The following AUH variants were observed in gnomAD, a reference collection of about 807,000 sequenced individuals.
AUH encodes AU RNA binding methylglutaconyl-CoA hydratase, also known as methylglutaconyl-CoA hydratase, mitochondrial.
A neutral mutation model predicts 42.3 loss-of-function variants in AUH; 29 were observed. The observed-to-expected ratio is 0.69, with a 90% CI of 0.51 to 0.93. AUH has a LOEUF of 0.93. Ranked by LOEUF, AUH falls within the 40% of genes least tolerant of loss-of-function variation. The pLI is 0.00. For synonymous variants in AUH, 174 were observed against 166.4 expected (o/e 1.05, Z -0.35); for missense variants, 452 against 438.1 (o/e 1.03, Z -0.28).
chr9:91,284,318 C>A lies in AUH; in HGVS notation c.655+11703G>T, dbSNP rs781228694. Among the ~76,000 whole-genome samples the A allele has an allele frequency of 3.3e-5, 5 of 152,008 alleles. No homozygotes were observed. The South Asian group carries it at 1.0e-3, about 32-fold the overall frequency. On this transcript the variant is annotated intron_variant, in intron 6 of 9. Coordinates refer to ENST00000375731, the MANE Select transcript of AUH (RefSeq NM_001698.3). ...AACTTATACAAAAATTAATTCAAGA[C>A]GGATTAAAGACTTAAATGTTAGACC...
chr9:91,261,275 C>T (rs1309749046), intron 6 of AUH, among the ~76,000 whole-genome samples: 1 of 152,158 alleles, frequency 6.6e-6, no homozygotes, highest in Non-Finnish European at 1.5e-5. Context: ...CTTTGCCAAG[C>T]AGGTGGATCC....
chr9:91,337,915 G>A (rs1830810327), intron 3 of AUH, among the ~76,000 whole-genome samples: 1 of 152,176 alleles, frequency 6.6e-6, no homozygotes, highest in Admixed American at 6.5e-5. Flanking sequence ...TAAGGAGCAT[G>A]ACCTTCTTGG....
At chr9:91,262,029 A>G (rs764692475) in intron 6 of AUH, among the ~76,000 whole-genome samples, 16 of 152,192 alleles carry the variant, frequency 1.1e-4, no homozygotes, top group African/African-American at 3.9e-4. Context: ...CACATAAACC[A>G]ATGGGAAAAA....
At chr9:91,329,021 ATGTGGTCTT>A (rs1352709190) in intron 3 of AUH, among the ~76,000 whole-genome samples, 2 of 152,114 alleles carry the variant, frequency 1.3e-5, no homozygotes, top group African/African-American at 4.8e-5. Context: ...TTCATACAAT[ATGTGGTCTT>A]TTTTTGTCTG....
chr9:91,302,475 G>A (rs569152470), intron 4 of AUH, among the ~76,000 whole-genome samples: 1 of 152,320 alleles, frequency 6.6e-6, no homozygotes, highest in East Asian at 1.9e-4. Flanking sequence ...TGTAATCCCA[G>A]CTACTCAAGA....
chr9:91,291,768 A>G (rs1299391820), intron 6 of AUH, among the ~76,000 whole-genome samples: 3 of 152,252 alleles, frequency 2.0e-5, no homozygotes, highest in East Asian at 3.9e-4. Context: ...ATTCATATGC[A>G]AGTATGTCTT....
intron 6 of AUH, among the ~76,000 whole-genome samples, chr9:91,253,463 A>G (rs1829244126): frequency 6.6e-6 from 1 of 152,280 alleles, no homozygotes; most frequent in South Asian, 2.1e-4. Flanking sequence ...GGGGTATAAT[A>G]AAACACCCAA....
chr9:91,243,283 G>A (rs1410649654), intron 6 of AUH, among the ~76,000 whole-genome samples: 1 of 152,180 alleles, frequency 6.6e-6, no homozygotes, highest in Admixed American at 6.5e-5. Flanking sequence ...CTTTGCCAGG[G>A]CTAAGCCTCA....
At chr9:91,323,569 G>T (rs1829747924) in intron 4 of AUH, among the ~76,000 whole-genome samples, 1 of 151,680 alleles carries the variant, frequency 6.6e-6, no homozygotes, top group Non-Finnish European at 1.5e-5. Flanking sequence ...GTTGCAGTGA[G>T]CTGAGATCGT....
At chr9:91,223,490 G>A (rs886913111) in intron 6 of AUH, among the ~76,000 whole-genome samples, 1 of 152,154 alleles carries the variant, frequency 6.6e-6, no homozygotes, top group African/African-American at 2.4e-5. Flanking sequence ...TACCTGGGTT[G>A]CTCTACCTTT....
intron 6 of AUH, among the ~76,000 whole-genome samples, chr9:91,245,751 G>C (rs562344839): frequency 5.9e-5 from 9 of 152,172 alleles, no homozygotes; most frequent in Non-Finnish European, 1.2e-4. Flanking sequence ...ACACAGATGA[G>C]AAAACGGAGG....
At chr9:91,215,943 T>C in intron 9 of AUH, 116 bp downstream of exon 9, 1 of 1,088,858 alleles carries the variant, frequency 9.2e-7, no homozygotes, top group South Asian at 1.3e-5. Context: ...CCCATTTGTA[T>C]GATTTTGGAA....
At chr9:91,250,131 G>C (rs1297441433) in intron 6 of AUH, among the ~76,000 whole-genome samples, 3 of 152,204 alleles carry the variant, frequency 2.0e-5, no homozygotes, top group Non-Finnish European at 4.4e-5. Context: ...CAGAGGAGCT[G>C]TCAAGAACCT....
At chr9:91,332,742 T>C (rs963588168) in intron 3 of AUH, among the ~76,000 whole-genome samples, 178 of 152,226 alleles carry the variant, frequency 1.2e-3, no homozygotes, top group African/African-American at 4.2e-3. Context: ...TTTAACAAGT[T>C]CTAAGAGTCA....
chr9:91,282,884 C>A (rs1340425107), intron 6 of AUH, among the ~76,000 whole-genome samples: 1 of 152,124 alleles, frequency 6.6e-6, no homozygotes, highest in African/African-American at 2.4e-5. Flanking sequence ...ACCAAAGGTA[C>A]AAGGAGGAGC....
chr9:91,318,624 G>A (rs1303829698), intron 4 of AUH, among the ~76,000 whole-genome samples: 1 of 152,196 alleles, frequency 6.6e-6, no homozygotes, highest in East Asian at 1.9e-4. Flanking sequence ...CAAGGCCAGA[G>A]TTACTCCCGG....
At chr9:91,264,345 T>C (rs191108195) in intron 6 of AUH, among the ~76,000 whole-genome samples, 22 of 152,264 alleles carry the variant, frequency 1.4e-4, no homozygotes. Flanking sequence ...GAGGTTCTCC[T>C]AGGATTTCTA....
intron 4 of AUH, among the ~76,000 whole-genome samples, chr9:91,315,185 C>T (rs1037540444): frequency 6.6e-6 from 1 of 152,150 alleles, no homozygotes; most frequent in Non-Finnish European, 1.5e-5. Context: ...GTGATCTGCC[C>T]GCCTTGGCCT....
At chr9:91,283,669 C>G (rs1387925953) in intron 6 of AUH, among the ~76,000 whole-genome samples, 2 of 152,112 alleles carry the variant, frequency 1.3e-5, no homozygotes, top group African/African-American at 4.8e-5. Context: ...ACACCAATAA[C>G]AGACAAACAG....
Sources: allele counts gnomAD v4.1 joint callset (sites outside exome capture counted in the v4.1 genomes callset), GRCh38; gene constraint gnomAD v4.1.1; transcripts MANE v1.5; gene names NCBI Gene and HGNC (gene_info 2026-07-23, HGNC 2026-07-21).